VRK1: variants seen among roughly 807,000 people sequenced by gnomAD.
The protein encoded by VRK1 is VRK serine/threonine kinase 1.
In VRK1, 33 loss-of-function variants were observed where a neutral mutation model predicts 57.1. The observed-to-expected ratio is 0.58, with a 90% CI of 0.44 to 0.77. VRK1 has a LOEUF of 0.77. Among genes scored for constraint, VRK1 ranks in the 30% least tolerant of loss-of-function variants. The pLI is 0.00. For synonymous variants in VRK1, 137 were observed against 147.8 expected, an observed-to-expected ratio of 0.93 and a Z score of 0.53; for missense variants, 413 against 477.3, an observed-to-expected ratio of 0.87 and a Z score of 1.25.
chr14:96,861,701 A>T (rs1037842418), intron 11 of VRK1, among the ~76,000 whole-genome samples: 8 of 152,214 alleles, frequency 5.3e-5, no homozygotes, highest in Admixed American at 2.6e-4. Flanking sequence ...GCCAAATAGC[A>T]GGTCTCTGTA....
At chr14:96,830,490 A>AT (rs1419157717) in intron 1 of VRK1, among the ~76,000 whole-genome samples, 18 of 150,674 alleles carry the variant, frequency 1.2e-4, no homozygotes, top group African/African-American at 4.2e-4. Flanking sequence ...TTTGTCTTTC[A>AT]TTTTCAATTA....
chr14:96,849,306 T>C (rs1595672171), intron 5 of VRK1, among the ~76,000 whole-genome samples: 1 of 152,138 alleles, frequency 6.6e-6, no homozygotes, highest in South Asian at 2.1e-4. Context: ...CAGTATACAA[T>C]AGTTATATTC....
chr14:96,862,511 C>CTTT (rs5810783), intron 11 of VRK1, among the ~76,000 whole-genome samples: 1 of 142,004 alleles, frequency 7.0e-6, no homozygotes, highest in African/African-American at 2.6e-5. Context: ...ATTTTGTTAG[C>CTTT]TTTTTTTTTT....
intron 5 of VRK1, 38 bp from the exon 6 acceptor site, chr14:96,852,793 T>C: frequency 1.9e-6 from 3 of 1,552,500 alleles, no homozygotes; most frequent in East Asian, 2.2e-5. Context: ...TTTTCTTGCA[T>C]TGTATTTTGT....
At chr14:96,846,321 C>G (rs1243155250) in intron 4 of VRK1, among the ~76,000 whole-genome samples, 157 bp downstream of exon 4, 1 of 152,052 alleles carries the variant, frequency 6.6e-6, no homozygotes, top group East Asian at 1.9e-4. Flanking sequence ...GAATTCTGGT[C>G]TTTTAATGGG....
At chr14:96,875,880 C>A in intron 11 of VRK1, 150 bp from the exon 12 acceptor site, 1 of 802,250 alleles carries the variant, frequency 1.2e-6, no homozygotes, top group South Asian at 1.5e-5. Flanking sequence ...TAGGTAACTA[C>A]TATCCTGAAG....
rs758978677 is a variant in VRK1, at chr14:96,852,854, G to A, written c.398G>A (p.Arg133His). 17 of 1,613,686 alleles carry A rather than the reference G, an allele frequency of 1.1e-5. No homozygotes were observed. Among genetic ancestry groups the A allele is most frequent in the East Asian group, 2.2e-5 (1 of 44,840 alleles). ...AGTTACAGGTTTATGATAATGGATCGCTTTGGGAGTGACCTTCAGAAAATA... is the reference window on the plus strand; with the variant it reads ...AGTTACAGGTTTATGATAATGGATCACTTTGGGAGTGACCTTCAGAAAATA... ...GKSYRFMIMD[R>H]FGSDLQKIYE... is the part of the protein sequence containing the mutation. Residue 133 changes from arginine to histidine, a missense_variant, in exon 6 of 13, where the codon CGC becomes CAC. Coordinates refer to ENST00000216639, the MANE Select transcript of VRK1 (RefSeq NM_003384.3).
At chr14:96,827,682 AT>A (rs1448996282) in intron 1 of VRK1, among the ~76,000 whole-genome samples, 2 of 151,908 alleles carry the variant, frequency 1.3e-5, no homozygotes, top group Non-Finnish European at 2.9e-5. Flanking sequence ...ATTCCTTCAA[AT>A]TGTCTTTTAC....
chr14:96,855,396 G>A (rs1425286494), intron 8 of VRK1, 40 bp downstream of exon 8: 1 of 1,613,484 alleles, frequency 6.2e-7, no homozygotes, highest in Non-Finnish European at 8.5e-7. Flanking sequence ...GACTGCTAAT[G>A]TTTTCACCCA....
intron 10 of VRK1, among the ~76,000 whole-genome samples, chr14:96,857,976 A>C (rs1888233466): frequency 6.6e-6 from 1 of 152,130 alleles, no homozygotes; most frequent in African/African-American, 2.4e-5. Flanking sequence ...GTCCTCTTGA[A>C]ATTATTGTTT....
At chr14:96,822,908 C>A (rs1886657209) in intron 1 of VRK1, among the ~76,000 whole-genome samples, 1 of 152,210 alleles carries the variant, frequency 6.6e-6, no homozygotes, top group South Asian at 2.1e-4. Context: ...CTTGCTCACG[C>A]CACACCAGCC....
intron 11 of VRK1, among the ~76,000 whole-genome samples, chr14:96,864,261 AG>A (rs56059155): frequency 0.064 from 9,811 of 152,264 alleles, 360 homozygotes; most frequent in South Asian, 0.11. Flanking sequence ...ACGTATGTAT[AG>A]AAAAGTACAT....
At chr14:96,799,786 A>G (rs1356033124) in intron 1 of VRK1, among the ~76,000 whole-genome samples, 1 of 152,166 alleles carries the variant, frequency 6.6e-6, no homozygotes, top group East Asian at 1.9e-4. Flanking sequence ...GATATTTTAC[A>G]TGCTTGCCAG....
intron 11 of VRK1, among the ~76,000 whole-genome samples, chr14:96,867,340 T>G (rs1250698313): frequency 6.6e-6 from 1 of 152,174 alleles, no homozygotes; most frequent in Non-Finnish European, 1.5e-5. Context: ...TTTGTTGCCT[T>G]CTAACATCTA....
chr14:96,878,382 G>A (rs1237584952), intron 12 of VRK1, among the ~76,000 whole-genome samples: 2 of 152,052 alleles, frequency 1.3e-5, no homozygotes, highest in Non-Finnish European at 2.9e-5. Flanking sequence ...TGTCATAAAC[G>A]TGTTTCAAGA....
At chr14:96,880,744 A>G (rs1198844041) in intron 12 of VRK1, among the ~76,000 whole-genome samples, 1 of 152,202 alleles carries the variant, frequency 6.6e-6, no homozygotes, top group Non-Finnish European at 1.5e-5. Flanking sequence ...TTTAAAAAGC[A>G]ACTTATTGCT....
chr14:96,851,207 C>G (rs1887933256), intron 5 of VRK1, among the ~76,000 whole-genome samples: 1 of 151,480 alleles, frequency 6.6e-6, no homozygotes, highest in African/African-American at 2.4e-5. Context: ...GTGGCTCAAT[C>G]TTGGCTCACT....
At chr14:96,836,222 A>G (rs1323441345) in intron 2 of VRK1, among the ~76,000 whole-genome samples, 1 of 152,128 alleles carries the variant, frequency 6.6e-6, no homozygotes, top group Non-Finnish European at 1.5e-5. Context: ...TACTTAGACT[A>G]TTGGTATAGC....
intron 11 of VRK1, among the ~76,000 whole-genome samples, chr14:96,866,353 T>C (rs1888584735): frequency 6.6e-6 from 1 of 152,206 alleles, no homozygotes; most frequent in South Asian, 2.1e-4. Context: ...GCTTCGGTTC[T>C]CTGCCTACCC....
Sources: gnomAD v4.1 joint callset for allele counts (sites outside exome capture counted in the v4.1 genomes callset) on GRCh38, gnomAD v4.1.1 for gene constraint, MANE v1.5 for transcripts, NCBI Gene and HGNC (gene_info 2026-07-23, HGNC 2026-07-21) for gene names.